WNT10A: variants seen among roughly 807,000 people sequenced by gnomAD.
WNT10A encodes the protein protein Wnt-10a.
In WNT10A, 37 loss-of-function variants were observed where a neutral mutation model predicts 36.1. That is an observed-to-expected ratio of 1.02 (90% CI 0.79 to 1.35). The LOEUF (loss-of-function observed/expected upper bound fraction) is 1.35. WNT10A is among the 40% of genes most tolerant of loss of function. The pLI is 0.00. For synonymous variants in WNT10A, 255 were observed against 254.1 expected (o/e 1.00, Z -0.03); for missense variants, 613 against 601.4 (o/e 1.02, Z -0.20).
upstream of WNT10A, among the ~76,000 whole-genome samples, chr2:218,877,342 G>A (rs535468781): frequency 1.4e-4 from 21 of 152,306 alleles, no homozygotes; most frequent in Non-Finnish European, 1.8e-4. The surrounding 1 kb of genome is among the most constrained non-coding windows in gnomAD (Gnocchi z 4.1). Context: ...AGCCCTGAAG[G>A]CGTCTGGGCA....
chr2:218,880,932 C>T lies in WNT10A; in HGVS notation c.-64C>T. 6.7e-7 allele frequency: 1 copy of T among 1,491,360 alleles called. No individual in the cohort carries two copies. The highest frequency in any genetic ancestry group is 8.9e-7 in the Non-Finnish European group (1 of 1,123,436). The allele number at this position is 1,491,360 out of a possible 1,614,324, so 92.4% of individuals were successfully genotyped here. A position where few individuals can be genotyped will look rare whatever the true frequency, so the allele number is the denominator to read the frequency against. ...CCCCCGCCGATCATGCGCCGGCGCC[C>T]CTGGCTCTCCAGTCCCACTGGGCTG... On this transcript the variant is annotated 5_prime_UTR_variant, in exon 1 of 4. Transcript: ENST00000258411. This position sits in a 1 kb window ranked among gnomAD's most constrained non-coding sequence, Gnocchi z 7.7.
rs748083299 is a variant in WNT10A at position 218,892,908 on chromosome 2, C to T, written c.891C>T (p.Ala297=). The change falls in exon 4 of 4, where the codon GCC becomes GCT. Residue 297 remains alanine (A), a synonymous_variant. Coordinates refer to ENST00000258411, the MANE Select transcript of WNT10A (RefSeq NM_025216.3). ...GALLRSRFHR[A]TLIRPHNRNG... ...TGCTGCGCAGCCGCTTCCACCGCGC[C>T]ACGCTCATCCGGCCGCACAACCGCA... is the stretch of plus-strand genomic sequence containing the variant. 6.5e-7 allele frequency: 1 copy of T among 1,528,346 alleles called. No homozygotes were observed. The highest frequency in any genetic ancestry group is 8.8e-7 in the Non-Finnish European group (1 of 1,140,848). 94.7% of individuals were successfully genotyped at this position (1,528,346 alleles called of 1,614,324 possible).
At chr2:218,888,718 AT>A (rs1454806387) in intron 2 of WNT10A, among the ~76,000 whole-genome samples, 1 of 152,146 alleles carries the variant, frequency 6.6e-6, no homozygotes, top group Non-Finnish European at 1.5e-5. Flanking sequence ...GAGTCTGGTC[AT>A]TAGGGAGGAT....
At chr2:218,892,273 A>C (rs1944659161) in intron 3 of WNT10A, among the ~76,000 whole-genome samples, 1 of 144,342 alleles carries the variant, frequency 6.9e-6, no homozygotes, top group Non-Finnish European at 1.5e-5. Flanking sequence ...GGCTTTCTGA[A>C]ACTCACCGAA....
chr2:218,883,613 C>G (rs1944543713), intron 2 of WNT10A, among the ~76,000 whole-genome samples: 1 of 151,136 alleles, frequency 6.6e-6, no homozygotes, highest in Non-Finnish European at 1.5e-5. Flanking sequence ...CCGGCCGAGC[C>G]CAGCCCGACG....
intron 2 of WNT10A, among the ~76,000 whole-genome samples, chr2:218,888,650 C>A (rs940015741): frequency 2.0e-5 from 3 of 152,184 alleles, no homozygotes; most frequent in Non-Finnish European, 2.9e-5. Flanking sequence ...GAGTGGCTTT[C>A]AGGGATGTCC....
chr2:218,881,387 T>C (rs1168297662), intron 1 of WNT10A, among the ~76,000 whole-genome samples: 2 of 150,866 alleles, frequency 1.3e-5, no homozygotes, highest in East Asian at 3.9e-4. Flanking sequence ...CAGTCTGGAG[T>C]TCCTGCCCTG....
At chr2:218,883,752 C>A (rs1180901362) in intron 2 of WNT10A, 2 of 151,822 alleles carry the variant, frequency 1.3e-5, no homozygotes, top group Non-Finnish European at 2.9e-5. Context: ...CGCCCCACCG[C>A]CGCCCGGGCC....
In WNT10A at chr2:218,893,205, C is replaced by T. The variant is rs1326745283; in HGVS notation, c.1188C>T (p.Phe396=). The T allele has an allele frequency of 1.9e-6, 3 of 1,576,426 alleles. No homozygotes were observed. Among genetic ancestry groups the T allele is most frequent in the East Asian group, 2.3e-5 (1 of 43,938 alleles). The change falls in exon 4 of 4, where the codon TTC becomes TTT. Residue 396 remains phenylalanine, a synonymous_variant. Transcript: ENST00000258411. The surrounding 1 kb of genome is among the most constrained non-coding windows in gnomAD (Gnocchi z 6.3). The part of the protein sequence containing the change: ...QTRSERCHCR[F]HWCCFVVCEE... ...GCAGCGAGCGCTGCCACTGCCGCTT[C>T]CACTGGTGCTGTTTCGTGGTCTGCG...
At chr2:218,887,244 T>A (rs1944589233) in intron 2 of WNT10A, among the ~76,000 whole-genome samples, 1 of 152,090 alleles carries the variant, frequency 6.6e-6, no homozygotes, top group Non-Finnish European at 1.5e-5. Flanking sequence ...TCCTTTTGCA[T>A]AATGTGTATG....
Position 218,892,958 on chromosome 2 carries a change from C to G in WNT10A, c.941C>G (p.Pro314Arg). ...NRNGGQLEPG[P>R]AGAPSPAPGA... ...AACGGCGGCCAGCTGGAGCCGGGCCCAGCGGGGGCACCCTCGCCGGCTCCG... is the reference window on the plus strand; with the variant it reads ...AACGGCGGCCAGCTGGAGCCGGGCCGAGCGGGGGCACCCTCGCCGGCTCCG... The change falls in exon 4 of 4, where the codon CCA (proline) becomes CGA (arginine). Residue 314 changes from proline to arginine, a missense_variant. Transcript: ENST00000258411. The G allele has an allele frequency of 6.9e-7, 1 of 1,443,306 alleles. No individual in the cohort carries two copies. The highest frequency in any genetic ancestry group is 9.1e-7 in the Non-Finnish European group (1 of 1,104,566). 89.4% of individuals were successfully genotyped at this position (1,443,306 alleles called of 1,614,324 possible).
intron 2 of WNT10A, among the ~76,000 whole-genome samples, chr2:218,886,903 T>G (rs974175653): frequency 6.6e-6 from 1 of 152,180 alleles, no homozygotes; most frequent in African/African-American, 2.4e-5. Context: ...CACAGGGTGG[T>G]GTAGGGAAGG....
intron 2 of WNT10A, among the ~76,000 whole-genome samples, chr2:218,887,499 C>T (rs1269713919): frequency 6.6e-6 from 1 of 152,194 alleles, no homozygotes; most frequent in East Asian, 1.9e-4. Flanking sequence ...TCCTCTGCAG[C>T]TCCTGCTAAT....
intron 2 of WNT10A, among the ~76,000 whole-genome samples, chr2:218,883,080 T>A (rs1463540864): frequency 4.6e-5 from 7 of 152,186 alleles, no homozygotes; most frequent in Non-Finnish European, 1.0e-4. Flanking sequence ...TTCCCTGTCC[T>A]CCCTCTCCGA....
intron 2 of WNT10A, among the ~76,000 whole-genome samples, chr2:218,887,027 G>A (rs1559414081): frequency 6.6e-6 from 1 of 152,328 alleles, no homozygotes; most frequent in East Asian, 1.9e-4. Context: ...GGTTGGCACT[G>A]TACACATCCC....
chr2:218,882,110 C>T (rs1317367178), intron 1 of WNT10A, 51 bp from the exon 2 acceptor site: 1 of 1,585,292 alleles, frequency 6.3e-7, no homozygotes, highest in Admixed American at 1.7e-5. Flanking sequence ...TTAGATGGGG[C>T]TCTCCTGGTC....
In WNT10A at chr2:218,882,161, G is replaced by T. The variant is rs748539203; in HGVS notation, c.114G>T (p.Arg38Ser). The change falls in exon 2 of 4, where the codon AGG becomes AGT. Residue 38 changes from arginine (R) to serine (S), a missense_variant and splice_region_variant. Arg to Ser is a moderately radical substitution (Grantham distance 110, BLOSUM62 -1). Transcript: ENST00000258411. ...CCCACTCCACCCCATATGTCTGCAG[G>T]TCAGCACCCAATGACATTCTGGACC... ...FLLLLAAAMP[R>S]SAPNDILDLR... 8.1e-6 allele frequency: 13 copies of T among 1,613,894 alleles called. No homozygotes were observed. The highest frequency in any genetic ancestry group is 8.5e-7 in the Non-Finnish European group (1 of 1,179,968).
At chr2:218,877,790 C>T (rs905279338), upstream of WNT10A, among the ~76,000 whole-genome samples, 1 of 152,188 alleles carries the variant, frequency 6.6e-6, no homozygotes, top group Non-Finnish European at 1.5e-5. This position sits in a 1 kb window ranked among gnomAD's most constrained non-coding sequence, Gnocchi z 4.1. Context: ...TTCCCCCTTA[C>T]CTTGCTGAGG....
chr2:218,874,832 A>G, the WNT10A span, among the ~76,000 whole-genome samples: 1 of 152,168 alleles, frequency 6.6e-6, no homozygotes, highest in Non-Finnish European at 1.5e-5. Context: ...TTCTTTATAC[A>G]AAGGGATTTC....
Sources: gnomAD v4.1 joint callset for allele counts (sites outside exome capture counted in the v4.1 genomes callset) on GRCh38, gnomAD v4.1.1 for gene constraint, Gnocchi (gnomAD v3.1) non-coding constraint, MANE v1.5 for transcripts, NCBI Gene and HGNC (gene_info 2026-07-23, HGNC 2026-07-21) for gene names.